SLC25A13: variants seen among roughly 807,000 people sequenced by gnomAD.
SLC25A13 encodes solute carrier family 25 member 13.
Under a neutral mutation model 85.5 loss-of-function variants are expected in SLC25A13, and 70 were observed. That is an observed-to-expected ratio of 0.82 (90% CI 0.68 to 1.00). The LOEUF is 1.00. Among genes scored for constraint, SLC25A13 ranks in the 50% least tolerant of loss-of-function variants. SLC25A13 has a pLI of 0.00. For synonymous variants in SLC25A13, 259 were observed against 288.7 expected, an observed-to-expected ratio of 0.90 and a Z score of 1.04; for missense variants, 765 against 819.8, an observed-to-expected ratio of 0.93 and a Z score of 0.82.
intron 13 of SLC25A13, among the ~76,000 whole-genome samples, chr7:96,159,493 G>A (rs1793418273): frequency 2.6e-5 from 4 of 152,076 alleles, no homozygotes; most frequent in South Asian, 2.1e-4. Context: ...GTGAGAAGGC[G>A]GCCATCTGCA....
intron 3 of SLC25A13, among the ~76,000 whole-genome samples, chr7:96,241,296 C>A (rs1796989521): frequency 6.6e-6 from 1 of 152,154 alleles, no homozygotes; most frequent in Non-Finnish European, 1.5e-5. Context: ...AATTGCACTT[C>A]TAGGAGTTTA....
chr7:96,219,809 C>A (rs558926039), intron 4 of SLC25A13: 71 of 512,110 alleles, frequency 1.4e-4, no homozygotes, highest in South Asian at 1.0e-3. Context: ...GATTCATACA[C>A]TATTTAAGTC....
intron 2 of SLC25A13, 152 bp from the exon 3 acceptor site, chr7:96,277,490 G>A: frequency 1.4e-6 from 1 of 736,516 alleles, no homozygotes; most frequent in African/African-American, 1.8e-5. Context: ...TCTCCCAACA[G>A]TTCAAAGAAA....
chr7:96,307,074 G>A (rs183292903), intron 1 of SLC25A13, among the ~76,000 whole-genome samples: 1 of 151,926 alleles, frequency 6.6e-6, no homozygotes, highest in Non-Finnish European at 1.5e-5. Flanking sequence ...TGGGGTGAGG[G>A]GGTTAGCCCT....
intron 11 of SLC25A13, among the ~76,000 whole-genome samples, chr7:96,177,222 T>G (rs1340424837): frequency 6.6e-6 from 1 of 152,190 alleles, no homozygotes; most frequent in African/African-American, 2.4e-5. Flanking sequence ...ATTATGCCTA[T>G]CTTAGAACAG....
intron 11 of SLC25A13, among the ~76,000 whole-genome samples, chr7:96,179,125 G>A (rs1227074688): frequency 6.6e-6 from 1 of 152,180 alleles, no homozygotes; most frequent in Non-Finnish European, 1.5e-5. Context: ...AAAAAAATCA[G>A]TTCCTCAACT....
chr7:96,145,599 A>G (rs1315652546), intron 14 of SLC25A13, among the ~76,000 whole-genome samples: 1 of 152,174 alleles, frequency 6.6e-6, no homozygotes, highest in Non-Finnish European at 1.5e-5. Context: ...TTATGTGTCT[A>G]TGGGATAAAA....
At chr7:96,184,546 TA>T in intron 10 of SLC25A13, 111 bp from the exon 11 acceptor site, 1 of 1,047,958 alleles carries the variant, frequency 9.5e-7, no homozygotes, top group Non-Finnish European at 1.4e-6. Context: ...TTTTGAATTT[TA>T]AATACAGATT....
At chr7:96,265,148 G>A (rs1798001594) in intron 3 of SLC25A13, among the ~76,000 whole-genome samples, 1 of 152,200 alleles carries the variant, frequency 6.6e-6, no homozygotes, top group Non-Finnish European at 1.5e-5. Context: ...AACTGTATCA[G>A]TGAACTTTTC....
chr7:96,207,628 A>G (rs1795509327), intron 5 of SLC25A13, among the ~76,000 whole-genome samples: 1 of 152,346 alleles, frequency 6.6e-6, no homozygotes, highest in Middle Eastern at 3.4e-3. Flanking sequence ...GCAAATGCAT[A>G]AACATCTATA....
chr7:96,257,256 A>G (rs1797673626), intron 3 of SLC25A13, among the ~76,000 whole-genome samples: 1 of 152,226 alleles, frequency 6.6e-6, no homozygotes, highest in Non-Finnish European at 1.5e-5. Flanking sequence ...ACCCTTCAAA[A>G]AAAATCAATG....
At chr7:96,317,707 CT>C (rs1480507606) in intron 1 of SLC25A13, among the ~76,000 whole-genome samples, 1 of 151,920 alleles carries the variant, frequency 6.6e-6, no homozygotes, top group Non-Finnish European at 1.5e-5. Flanking sequence ...ACTTAGCCCC[CT>C]GGAATGGTTT....
Position 96,131,989 on chromosome 7 carries a change from A to G in SLC25A13, c.1453-108T>C. ...ACAAAATATTCCTGGAGAAGACCAA[A>G]TTTGTACTCACACATTGAAAGGGGA... On this transcript the variant is annotated intron_variant, in intron 14 of 17. Transcript: ENST00000265631. 2.9e-6 allele frequency: 4 copies of G among 1,383,090 alleles called. No homozygotes were observed. The South Asian group carries it at 4.8e-5, about 17-fold the overall frequency. 85.7% of individuals were successfully genotyped at this position (1,383,090 alleles called of 1,614,324 possible).
rs559598846 is a variant in SLC25A13, at chr7:96,300,607, G to A, written c.16-3656C>T. On this transcript the variant is annotated intron_variant, in intron 1 of 17. Coordinates refer to ENST00000265631, the MANE Select transcript of SLC25A13 (RefSeq NM_014251.3). Reference sequence around the variant, plus strand: ...AGCAAAAGAGAAGAGAAACTCATGGGTCTTCAAACACACTCACCAAACCAC... The same window carrying A: ...AGCAAAAGAGAAGAGAAACTCATGGATCTTCAAACACACTCACCAAACCAC... Among the ~76,000 whole-genome samples the A allele has an allele frequency of 2.0e-5, 3 of 152,260 alleles. No homozygotes were observed. The South Asian group carries it at 6.2e-4, about 32-fold the overall frequency.
At chr7:96,178,930 T>C (rs149703847) in intron 11 of SLC25A13, among the ~76,000 whole-genome samples, 1 of 152,364 alleles carries the variant, frequency 6.6e-6, no homozygotes. Flanking sequence ...AAGGTGGCTG[T>C]ACAGTGGAGC....
intron 13 of SLC25A13, among the ~76,000 whole-genome samples, chr7:96,159,507 A>G (rs1049151261): frequency 6.6e-6 from 1 of 152,152 alleles, no homozygotes; most frequent in Non-Finnish European, 1.5e-5. Context: ...ATCTGCAAGA[A>G]AAGAAGAGAG....
At chr7:96,248,816 T>G (rs1396067211) in intron 3 of SLC25A13, among the ~76,000 whole-genome samples, 10 of 152,206 alleles carry the variant, frequency 6.6e-5, no homozygotes, top group Non-Finnish European at 1.3e-4. Flanking sequence ...CAAAATATTT[T>G]CAAGATATAC....
chr7:96,151,464 A>G (rs4729237), intron 13 of SLC25A13, among the ~76,000 whole-genome samples: 74,662 of 151,610 alleles, frequency 0.49, 19,591 homozygotes, highest in African/African-American at 0.69. Context: ...GGGCATGGTG[A>G]CGCACACCTG....
chr7:96,321,685 T>A (rs934947046), intron 1 of SLC25A13, among the ~76,000 whole-genome samples: 2 of 151,972 alleles, frequency 1.3e-5, no homozygotes, highest in Non-Finnish European at 2.9e-5. Context: ...AGGCACCAAC[T>A]TCCCTCCCCG....
Sources: gnomAD v4.1 joint callset for allele counts (sites outside exome capture counted in the v4.1 genomes callset) on GRCh38, gnomAD v4.1.1 for gene constraint, MANE v1.5 for transcripts, NCBI Gene and HGNC (gene_info 2026-07-23, HGNC 2026-07-21) for gene names.